The following MARCHF1 variants were observed in gnomAD, a reference collection of about 807,000 sequenced individuals.
MARCHF1 encodes E3 ubiquitin-protein ligase MARCHF1.
Under a neutral mutation model 54.2 loss-of-function variants are expected in MARCHF1, and 40 were observed. The ratio of observed to expected loss-of-function variants is 0.74; its 90% CI spans 0.57 to 0.96. MARCHF1 has a LOEUF of 0.96. Among genes scored for constraint, MARCHF1 ranks in the 40% least tolerant of loss-of-function variants. The probability of loss-of-function intolerance (pLI) is 0.00; values close to 1 mark genes in which losing one functional copy is unlikely to be tolerated. For synonymous variants in MARCHF1, 236 were observed against 236.3 expected (o/e 1.00, Z 0.01); for missense variants, 586 against 656.5 (o/e 0.89, Z 1.17).
chr4:164,296,921 G>A (rs1185998885), intron 1 of MARCHF1, among the ~76,000 whole-genome samples: 1 of 152,148 alleles, frequency 6.6e-6, no homozygotes, highest in Non-Finnish European at 1.5e-5. Context: ...TATCAAGGAG[G>A]TGGTAGAGCC....
chr4:163,844,627 A>G (rs1749434606), intron 4 of MARCHF1, among the ~76,000 whole-genome samples: 1 of 152,176 alleles, frequency 6.6e-6, no homozygotes, highest in Admixed American at 6.6e-5. Context: ...AAATTAATGA[A>G]GATATTTTCC....
intron 3 of MARCHF1, chr4:163,932,682 A>C: frequency 2.0e-6 from 1 of 502,570 alleles, no homozygotes; most frequent in South Asian, 1.7e-5. Context: ...TGGGGGCTGC[A>C]GGTCCACCTG....
At chr4:163,961,468 G>T (rs1304394725) in intron 3 of MARCHF1, among the ~76,000 whole-genome samples, 1 of 151,874 alleles carries the variant, frequency 6.6e-6, no homozygotes. Flanking sequence ...ATTTTAAAAA[G>T]AATTAATTGA....
chr4:163,905,699 T>C (rs752292389), intron 3 of MARCHF1, among the ~76,000 whole-genome samples: 2 of 152,044 alleles, frequency 1.3e-5, no homozygotes, highest in South Asian at 4.1e-4. Flanking sequence ...TTTGAGCATC[T>C]TCTGATGTTA....
intron 3 of MARCHF1, among the ~76,000 whole-genome samples, chr4:163,871,733 T>C (rs1750174056): frequency 1.3e-5 from 2 of 152,202 alleles, no homozygotes; most frequent in African/African-American, 2.4e-5. Flanking sequence ...GAAAATCATA[T>C]GCTTATTATT....
chr4:163,635,440 C>G (rs573084266), intron 5 of MARCHF1, among the ~76,000 whole-genome samples: 2 of 149,662 alleles, frequency 1.3e-5, no homozygotes, highest in South Asian at 2.1e-4. Flanking sequence ...GAAATACAAA[C>G]TACCATCAGA....
chr4:164,273,438 T>A (rs1394292884), intron 1 of MARCHF1, among the ~76,000 whole-genome samples: 5 of 152,098 alleles, frequency 3.3e-5, no homozygotes, highest in African/African-American at 1.2e-4. Flanking sequence ...CAATTCAAGA[T>A]GAGATTTAGG....
At chr4:163,722,311 T>C (rs1271033927) in intron 4 of MARCHF1, among the ~76,000 whole-genome samples, 2 of 152,134 alleles carry the variant, frequency 1.3e-5, no homozygotes, top group Non-Finnish European at 2.9e-5. Context: ...CAGGAGCAGG[T>C]TGTTCAGTTT....
chr4:163,654,925 T>C (rs1743088561), intron 5 of MARCHF1, among the ~76,000 whole-genome samples: 1 of 151,654 alleles, frequency 6.6e-6, no homozygotes, highest in Non-Finnish European at 1.5e-5. Flanking sequence ...TATCTTTTTA[T>C]GTACTTCTTA....
At chr4:163,908,917 C>G (rs949446121) in intron 3 of MARCHF1, among the ~76,000 whole-genome samples, 1 of 151,980 alleles carries the variant, frequency 6.6e-6, no homozygotes, top group African/African-American at 2.4e-5. Context: ...CTGTCACAAT[C>G]GTATCTACTG....
chr4:164,059,707 G>GTATTTTTT (rs1407686703), intron 2 of MARCHF1, among the ~76,000 whole-genome samples: 1 of 151,994 alleles, frequency 6.6e-6, no homozygotes, highest in African/African-American at 2.4e-5. Context: ...ATGATGCTGG[G>GTATTTTTT]TATTTTTTTA....
chr4:163,822,028 C>CT (rs150010134), intron 4 of MARCHF1, among the ~76,000 whole-genome samples: 1 of 151,858 alleles, frequency 6.6e-6, no homozygotes, highest in Admixed American at 6.6e-5. Flanking sequence ...AAAAGCATAA[C>CT]TTTGCATGAT....
At chr4:164,067,651 CT>C (rs1169772740) in intron 2 of MARCHF1, among the ~76,000 whole-genome samples, 7 of 152,082 alleles carry the variant, frequency 4.6e-5, no homozygotes, top group Non-Finnish European at 1.0e-4. Context: ...AGGAAATACC[CT>C]TTTTTACATT....
At chr4:164,242,326 C>T (rs1013058574) in intron 1 of MARCHF1, among the ~76,000 whole-genome samples, 11 of 145,708 alleles carry the variant, frequency 7.5e-5, no homozygotes, top group African/African-American at 2.3e-4. Context: ...GACCCCTGAC[C>T]CCCGAGCAGC....
At chr4:163,870,524 G>A (rs1380651451) in intron 3 of MARCHF1, among the ~76,000 whole-genome samples, 1 of 152,072 alleles carries the variant, frequency 6.6e-6, no homozygotes, top group Admixed American at 6.6e-5. Context: ...ATTCTGGAGT[G>A]CACATTTCTT....
In MARCHF1 at chr4:163,591,155, T is replaced by C. The variant is rs1049970877; in HGVS notation, c.1011-5226A>G. Among the ~76,000 whole-genome samples, 7 of 151,954 alleles carry C rather than the reference T, an allele frequency of 4.6e-5. No individual in the cohort carries two copies. The South Asian group carries it at 1.3e-3, about 27-fold the overall frequency. On this transcript the variant is annotated intron_variant, in intron 7 of 9. Transcript: ENST00000514618. ...ACCACTATTGTCCCATTTTACTGCA[T>C]AACAGTCTACTAAAAGTAGTATTTA...
intron 1 of MARCHF1, among the ~76,000 whole-genome samples, chr4:164,371,823 C>T (rs1207735720): frequency 6.6e-6 from 1 of 152,208 alleles, no homozygotes; most frequent in Non-Finnish European, 1.5e-5. Context: ...CCCACTACAA[C>T]ATTTTCACAA....
intron 1 of MARCHF1, among the ~76,000 whole-genome samples, chr4:164,168,607 T>C (rs995016004): frequency 6.6e-6 from 1 of 151,670 alleles, no homozygotes; most frequent in African/African-American, 2.4e-5. Flanking sequence ...TTACGCTAAG[T>C]GAAGCAAGCC....
chr4:163,681,293 G>C (rs1313943174), intron 5 of MARCHF1, among the ~76,000 whole-genome samples: 1 of 152,154 alleles, frequency 6.6e-6, no homozygotes, highest in Non-Finnish European at 1.5e-5. Flanking sequence ...ATAACGTGTG[G>C]TTGGGAGAAT....
Sources: gnomAD v4.1 joint callset for allele counts (sites outside exome capture counted in the v4.1 genomes callset) on GRCh38, gnomAD v4.1.1 for gene constraint, MANE v1.5 for transcripts, NCBI Gene and HGNC (gene_info 2026-07-23, HGNC 2026-07-21) for gene names.